The following NCBP3 variants were observed in gnomAD, a reference collection of about 807,000 sequenced individuals.
NCBP3 encodes nuclear cap binding subunit 3, also known as nuclear cap-binding protein subunit 3.
In NCBP3, 20 loss-of-function variants were observed where a neutral mutation model predicts 75.7. The observed-to-expected ratio is 0.26, with a 90% CI of 0.19 to 0.38. NCBP3 has a LOEUF of 0.38. Among genes scored for constraint, NCBP3 ranks in the 10% least tolerant of loss-of-function variants. The probability of loss-of-function intolerance (pLI) is 1.00; values close to 1 mark genes in which losing one functional copy is unlikely to be tolerated. For missense variants in NCBP3, 678 were observed against 796.9 expected, an observed-to-expected ratio of 0.85 and a Z score of 1.80; for synonymous variants, 293 against 290.5, an observed-to-expected ratio of 1.01 and a Z score of -0.09.
intron 6 of NCBP3, 96 bp downstream of exon 6, chr17:3,825,671 G>A: frequency 1.2e-6 from 1 of 849,938 alleles, no homozygotes; most frequent in East Asian, 2.7e-5. Flanking sequence ...GTGAAAGCTA[G>A]AGAAAAAACG....
rs369108310 is a variant in NCBP3 at position 3,803,539 on chromosome 17, C to G, written c.*9505G>C. On this transcript the variant is annotated 3_prime_UTR_variant, in exon 13 of 13. Coordinates refer to ENST00000389005, the MANE Select transcript of NCBP3 (RefSeq NM_001114118.3). ...GGGAAATGTTCACTAAAACATCTTA[C>G]GGATAAACGAGCATGATGTATACAA... The G allele has an allele frequency of 6.6e-6, 1 of 152,100 alleles. No individual in the cohort carries two copies. The highest frequency in any genetic ancestry group is 1.5e-5 in the Non-Finnish European group (1 of 68,036). 9.4% of individuals were successfully genotyped at this position (152,100 alleles called of 1,614,324 possible). A position where few individuals can be genotyped will look rare whatever the true frequency, so the allele number is the denominator to read the frequency against.
intron 6 of NCBP3, among the ~76,000 whole-genome samples, chr17:3,825,328 C>T (rs939277263): frequency 6.6e-5 from 10 of 152,190 alleles, no homozygotes; most frequent in Admixed American, 2.0e-4. Context: ...GCACTCCCCA[C>T]TAGAATGCAG....
chr17:3,819,277 G>T (rs1183781598), intron 9 of NCBP3, among the ~76,000 whole-genome samples: 1 of 152,154 alleles, frequency 6.6e-6, no homozygotes, highest in Non-Finnish European at 1.5e-5. Flanking sequence ...AAACATATGG[G>T]CCCAGCGCGG....
intron 4 of NCBP3, among the ~76,000 whole-genome samples, chr17:3,827,412 A>G (rs944122939): frequency 6.6e-6 from 1 of 152,188 alleles, no homozygotes; most frequent in African/African-American, 2.4e-5. Context: ...CATCATTCCC[A>G]TTGGAAAACG....
rs577216788 is a variant in NCBP3, at chr17:3,832,499, C to T, written c.356-3131G>A. Among the ~76,000 whole-genome samples, 128 of 119,282 alleles carry T rather than the reference C, an allele frequency of 1.1e-3. 39 individuals are homozygous for T. The highest frequency in any genetic ancestry group is 2.4e-3 in the South Asian group (8 of 3,312). The allele number at this position is 119,282 out of a possible 152,430, so 78.3% of individuals were successfully genotyped here. On this transcript the variant is annotated intron_variant, in intron 3 of 12. Transcript: ENST00000389005. Reference sequence around the variant, plus strand: ...CAAAACAATTAGCCAGGTGTGGTGGCAGGCACCTGTAGTCCCAGCTACTCG... The same window carrying T: ...CAAAACAATTAGCCAGGTGTGGTGGTAGGCACCTGTAGTCCCAGCTACTCG...
rs1346657248 is a variant in NCBP3, at chr17:3,821,635, C to T, written c.897-283G>A. On this transcript the variant is annotated intron_variant, in intron 8 of 12. Transcript: ENST00000389005. ...ACGGGGTTTCACCATGTTGGCCAGG[C>T]TGGTCTCGAACTCCTGACCTCAGGT... is the stretch of plus-strand genomic sequence containing the variant. Among the ~76,000 whole-genome samples, 46 of 152,118 alleles carry T rather than the reference C, an allele frequency of 3.0e-4. 1 individual carries two copies. The highest frequency in any genetic ancestry group is 2.8e-3 in the Admixed American group (43 of 15,266).
intron 1 of NCBP3, 30 bp from the exon 2 acceptor site, chr17:3,843,181 A>G (rs1243316981): frequency 6.5e-7 from 1 of 1,537,018 alleles, no homozygotes; most frequent in South Asian, 1.2e-5. Context: ...TGAGAAATTC[A>G]GACAGCAATT....
chr17:3,816,429 T>C (rs1403747239), intron 10 of NCBP3, among the ~76,000 whole-genome samples, 159 bp from the exon 11 acceptor site: 3 of 152,264 alleles, frequency 2.0e-5, no homozygotes, highest in Admixed American at 6.5e-5. Flanking sequence ...TATTTGCTTA[T>C]GGAAACCATG....
At chr17:3,822,192 C>T in intron 7 of NCBP3, 140 bp from the exon 8 acceptor site, 1 of 630,442 alleles carries the variant, frequency 1.6e-6, no homozygotes, top group South Asian at 1.9e-5. Flanking sequence ...TACCAACATT[C>T]ACACTCTGAG....
In NCBP3 at chr17:3,821,936, G is replaced by A. The variant is rs374299390; in HGVS notation, c.896+17C>T. ...GAAAAACTCAAATACTATTGCATTT[G>A]AAGGTTTTGGACTCACCATGAATTG... On this transcript the variant is annotated intron_variant, in intron 8 of 12. Transcript: ENST00000389005. 71 of 1,514,412 alleles carry A rather than the reference G, an allele frequency of 4.7e-5. No homozygotes were observed. Among genetic ancestry groups the A allele is most frequent in the Non-Finnish European group, 6.3e-5 (69 of 1,098,140 alleles). The allele number at this position is 1,514,412 out of a possible 1,614,324, so 93.8% of individuals were successfully genotyped here.
chr17:3,812,713 T>G lies in NCBP3; in HGVS notation c.*331A>C. On this transcript the variant is annotated 3_prime_UTR_variant, in exon 13 of 13. Coordinates refer to ENST00000389005, the MANE Select transcript of NCBP3 (RefSeq NM_001114118.3). The stretch of plus-strand genomic sequence containing the variant: ...TTCTCTGCTCTTTGGATGAACTGTG[T>G]AAAACATTTCTTTTAAAAGACACAA... The G allele has an allele frequency of 1.7e-6, 2 of 1,149,650 alleles. No homozygotes were observed. The highest frequency in any genetic ancestry group is 3.2e-5 in the African/African-American group (2 of 62,246). The allele number at this position is 1,149,650 out of a possible 1,614,324, so 71.2% of individuals were successfully genotyped here. A position where few individuals can be genotyped will look rare whatever the true frequency, so the allele number is the denominator to read the frequency against.
rs565216722 is a variant in NCBP3, at chr17:3,832,501, G to C, written c.356-3133C>G. 9.4e-5 allele frequency among the ~76,000 whole-genome samples: 11 copies of C among 116,526 alleles called. 4 individuals are homozygous for C. Among genetic ancestry groups the C allele is most frequent in the South Asian group, 6.3e-4 (2 of 3,190 alleles). 76.4% of individuals were successfully genotyped at this position (116,526 alleles called of 152,430 possible). On this transcript the variant is annotated intron_variant, in intron 3 of 12. Coordinates refer to ENST00000389005, the MANE Select transcript of NCBP3 (RefSeq NM_001114118.3). The stretch of plus-strand genomic sequence containing the variant: ...AAACAATTAGCCAGGTGTGGTGGCA[G>C]GCACCTGTAGTCCCAGCTACTCGGG...
rs986598627 is a variant in NCBP3, at chr17:3,842,191, G to A, written c.249+895C>T. On this transcript the variant is annotated intron_variant, in intron 2 of 12. Coordinates refer to ENST00000389005, the MANE Select transcript of NCBP3 (RefSeq NM_001114118.3). ...TGGAATCCCAGCACTTCGGGAGGCT[G>A]AGGCAGGTGGATCACCTGAAGTCAG... is the stretch of plus-strand genomic sequence containing the variant. Among the ~76,000 whole-genome samples, 9 of 152,194 alleles carry A rather than the reference G, an allele frequency of 5.9e-5. No homozygotes were observed. The South Asian group carries it at 6.2e-4, about 10-fold the overall frequency.
intron 1 of NCBP3, among the ~76,000 whole-genome samples, chr17:3,844,878 G>A (rs538526300): frequency 6.6e-6 from 1 of 152,332 alleles, no homozygotes; most frequent in South Asian, 2.1e-4. Context: ...AAGTTGCGGT[G>A]AGCCGAGATC....
chr17:3,818,426 G>A lies in NCBP3; in HGVS notation c.1147C>T (p.Pro383Ser). 1.2e-6 allele frequency: 2 copies of A among 1,614,038 alleles called. No homozygotes were observed. Among genetic ancestry groups the A allele is most frequent in the Non-Finnish European group, 1.7e-6 (2 of 1,179,998 alleles). The change falls in exon 10 of 13, where the codon CCC becomes TCC. Residue 383 changes from proline (P) to serine (S), a missense_variant. Pro to Ser is a moderately conservative substitution (Grantham distance 74, BLOSUM62 -1). Coordinates refer to ENST00000389005, the MANE Select transcript of NCBP3 (RefSeq NM_001114118.3). The surrounding 1 kb of genome is among the most constrained non-coding windows in gnomAD (Gnocchi z 4.7). The part of the protein sequence containing the change: ...YHEELPALKQ[P>S]RERSASRRSS... ...CGTCTAGACGCGCTCCGCTCCCGGG[G>A]CTGCTTGAGAGCCGGGAGCTCCTCG...
At position 3,818,973 on chromosome 17, in the gene NCBP3, C is replaced by T. The variant is rs2053607425; in HGVS notation, c.1001-401G>A. On this transcript the variant is annotated intron_variant, in intron 9 of 12. Coordinates refer to ENST00000389005, the MANE Select transcript of NCBP3 (RefSeq NM_001114118.3). This position sits in a 1 kb window ranked among gnomAD's most constrained non-coding sequence, Gnocchi z 4.7. Reference sequence around the variant, plus strand: ...CACTCCCAGTGGAGGTCAAACAAAGCAACACTCCACCTTCCTGTTTCATCT... The same window carrying T: ...CACTCCCAGTGGAGGTCAAACAAAGTAACACTCCACCTTCCTGTTTCATCT... Among the ~76,000 whole-genome samples the T allele has an allele frequency of 6.6e-6, 1 of 152,182 alleles. No individual in the cohort carries two copies. Among genetic ancestry groups the T allele is most frequent in the Non-Finnish European group, 1.5e-5 (1 of 68,032 alleles).
At chr17:3,816,770 A>G (rs1442706170) in intron 10 of NCBP3, among the ~76,000 whole-genome samples, 3 of 152,270 alleles carry the variant, frequency 2.0e-5, no homozygotes, top group Admixed American at 1.3e-4. Flanking sequence ...GAACAGGCTC[A>G]TGCCTGTAAT....
At chr17:3,832,426 C>A (rs564926820) in intron 3 of NCBP3, among the ~76,000 whole-genome samples, 1 of 117,492 alleles carries the variant, frequency 8.5e-6, no homozygotes, top group African/African-American at 2.6e-5. Context: ...AAGGTCAGAT[C>A]GAGACCATCC....
Position 3,818,529 on chromosome 17 carries a change from C to G in NCBP3, c.1044G>C (p.Glu348Asp). 6.2e-7 allele frequency: 1 copy of G among 1,607,452 alleles called. No individual in the cohort carries two copies. Among genetic ancestry groups the G allele is most frequent in the Non-Finnish European group, 8.5e-7 (1 of 1,178,630 alleles). ...CCTCTTCCTCTTCCTCCTCCTCCTC[C>G]TCTTCCTCCTCTTCAATGGGTTCCT... is the stretch of plus-strand genomic sequence containing the variant. ...VPEEPIEEEE[E>D]EEEEEEEEEE... Residue 348 changes from glutamate to aspartate, a missense_variant, in exon 10 of 13, where the codon GAG becomes GAC. Glu to Asp is a conservative substitution (Grantham distance 45). Transcript: ENST00000389005. The surrounding 1 kb of genome is among the most constrained non-coding windows in gnomAD (Gnocchi z 4.7).
Sources: allele counts gnomAD v4.1 joint callset (sites outside exome capture counted in the v4.1 genomes callset), GRCh38; gene constraint gnomAD v4.1.1; non-coding constraint Gnocchi (gnomAD v3.1); transcripts MANE v1.5; gene names NCBI Gene and HGNC (gene_info 2026-07-23, HGNC 2026-07-21).